POLR2B: variants seen among roughly 807,000 people sequenced by gnomAD.
POLR2B encodes DNA-directed RNA polymerase II subunit RPB2.
In POLR2B, 57 loss-of-function variants were observed where a neutral mutation model predicts 144.6. That is an observed-to-expected ratio of 0.39 (90% CI 0.32 to 0.49). The LOEUF (loss-of-function observed/expected upper bound fraction) is 0.49, where lower values mean the gene tolerates loss of function less well. POLR2B is among the 20% of genes least tolerant of loss of function. The pLI, the probability that POLR2B is intolerant of heterozygous loss-of-function variation, is 0.83. For missense variants in POLR2B, 595 were observed against 1,467.4 expected, an observed-to-expected ratio of 0.41 and a Z score of 9.71; for synonymous variants, 442 against 469.8, an observed-to-expected ratio of 0.94 and a Z score of 0.77.
intron 3 of POLR2B, among the ~76,000 whole-genome samples, chr4:56,993,513 A>G (rs1722586121): frequency 6.6e-6 from 1 of 152,312 alleles, no homozygotes; most frequent in South Asian, 2.1e-4. Flanking sequence ...ATAATTAATC[A>G]TTAGTAAAAC....
At chr4:57,003,858 A>G (rs1301804989) in intron 7 of POLR2B, among the ~76,000 whole-genome samples, 3 of 151,754 alleles carry the variant, frequency 2.0e-5, no homozygotes, top group Non-Finnish European at 2.9e-5. Context: ...TAAAAAAAAA[A>G]AGAAAAAGAA....
chr4:57,019,472 C>G (rs576631885), intron 16 of POLR2B, among the ~76,000 whole-genome samples: 1 of 151,824 alleles, frequency 6.6e-6, no homozygotes, highest in Non-Finnish European at 1.5e-5. Context: ...CCCAAAGTGC[C>G]GGGATTACAG....
At chr4:57,014,261 C>G (rs986946014) in intron 13 of POLR2B, among the ~76,000 whole-genome samples, 3 of 152,080 alleles carry the variant, frequency 2.0e-5, no homozygotes, top group South Asian at 2.1e-4. Flanking sequence ...GTGGCATGAT[C>G]TTGGCTCACT....
rs113642422 is a variant in POLR2B, at chr4:56,985,445, C to T, written c.20-909C>T. ...CCCCCGCCGCCCCGTGGGGCGGCCCCGACTTTCGGGCGGTGAGTGAGAGGC... is the reference window on the plus strand; with the variant it reads ...CCCCCGCCGCCCCGTGGGGCGGCCCTGACTTTCGGGCGGTGAGTGAGAGGC... On this transcript the variant is annotated intron_variant, in intron 1 of 24. Transcript: ENST00000314595. The T allele has an allele frequency of 0.012, 11,741 of 985,278 alleles. 932 individuals carry two copies. In the East Asian group the frequency reaches 0.25, roughly 21 times the overall value. 61.0% of individuals were successfully genotyped at this position (985,278 alleles called of 1,614,324 possible).
chr4:57,012,702 T>C (rs920747324), intron 13 of POLR2B, among the ~76,000 whole-genome samples: 10 of 152,152 alleles, frequency 6.6e-5, no homozygotes, highest in African/African-American at 2.4e-4. Flanking sequence ...TCTGGCTTTG[T>C]TGCCCAGGCT....
At position 56,997,476 on chromosome 4, in the gene POLR2B, C is replaced by T. The variant is rs558168558; in HGVS notation, c.735+2067C>T. On this transcript the variant is annotated intron_variant, in intron 6 of 24. Transcript: ENST00000314595. ...TTCACTATGTTGCCTAGGCTGGTCT[C>T]GAACTCCTGAGCTCAAGTGACCTGC... Among the ~76,000 whole-genome samples the T allele has an allele frequency of 4.6e-5, 7 of 152,248 alleles. No homozygotes were observed. The South Asian group carries it at 1.5e-3, about 32-fold the overall frequency.
rs1381008176 is a variant in POLR2B at position 57,003,418 on chromosome 4, A to C, written c.901-1828A>C. ...GCACTCCAGCCTGTGTGACAGAGCA[A>C]GACTGTCTCAAAAAAAATAAAATAA... is the stretch of plus-strand genomic sequence containing the variant. On this transcript the variant is annotated intron_variant, in intron 7 of 24. Transcript: ENST00000314595. Among the ~76,000 whole-genome samples the C allele has an allele frequency of 2.0e-5, 3 of 150,162 alleles. No individual in the cohort carries two copies. The East Asian group carries it at 6.1e-4, about 30-fold the overall frequency.
intron 14 of POLR2B, among the ~76,000 whole-genome samples, chr4:57,016,074 A>T (rs974924385): frequency 5.9e-5 from 9 of 152,192 alleles, no homozygotes; most frequent in Non-Finnish European, 1.0e-4. Context: ...ACGATTTTTA[A>T]AAAGTATACA....
At chr4:57,012,568 G>A (rs1032191193) in intron 13 of POLR2B, among the ~76,000 whole-genome samples, 8 of 152,282 alleles carry the variant, frequency 5.3e-5, no homozygotes, top group Admixed American at 2.6e-4. Flanking sequence ...AACTGAACAC[G>A]CTTAGCCAGT....
At chr4:57,030,093 T>A (rs963277226) in intron 23 of POLR2B, 111 bp from the exon 24 acceptor site, 1 of 844,838 alleles carries the variant, frequency 1.2e-6, no homozygotes, top group South Asian at 1.6e-5. Context: ...GTATAAAAAT[T>A]AGAGCCTAGT....
intron 6 of POLR2B, 78 bp downstream of exon 6, chr4:56,995,487 C>A (rs1722650906): frequency 6.8e-6 from 7 of 1,023,884 alleles, no homozygotes; most frequent in Non-Finnish European, 9.9e-6. Context: ...CCTTCTTTGT[C>A]CATAGAAGCT....
intron 3 of POLR2B, among the ~76,000 whole-genome samples, chr4:56,993,715 A>G (rs562455548): frequency 6.6e-6 from 1 of 152,312 alleles, no homozygotes; most frequent in South Asian, 2.1e-4. Flanking sequence ...AGCCCTTTAT[A>G]TAGAATGATT....
intron 1 of POLR2B, among the ~76,000 whole-genome samples, chr4:56,982,417 A>T (rs550015799): frequency 2.0e-5 from 3 of 152,060 alleles, no homozygotes; most frequent in East Asian, 3.9e-4. Flanking sequence ...AAAAAAATTT[A>T]AAAAATTAGC....
intron 18 of POLR2B, 117 bp downstream of exon 18, chr4:57,022,363 T>C (rs2109714281): frequency 1.6e-6 from 1 of 639,054 alleles, no homozygotes; most frequent in East Asian, 2.7e-5. Context: ...CTCCCTTTTT[T>C]TGTGCAATGA....
At chr4:57,008,082 G>A (rs937550031) in intron 10 of POLR2B, among the ~76,000 whole-genome samples, 1 of 152,116 alleles carries the variant, frequency 6.6e-6, no homozygotes, top group Admixed American at 6.5e-5. Context: ...ATGAGATGCT[G>A]ATCTCAGCCC....
rs1560470618 is a variant in POLR2B at position 56,986,373 on chromosome 4, T to G, written c.39T>G (p.Asp13Glu). The G allele has an allele frequency of 1.9e-6, 3 of 1,610,988 alleles. No homozygotes were observed. The highest frequency in any genetic ancestry group is 2.2e-5 in the South Asian group (2 of 91,006). The part of the protein sequence containing the change: ...DADEDMQYDE[D>E]DDEITPDLWQ... ...TTACAGATATGCAATATGATGAGGA[T>G]GATGATGAAATCACCCCGGATTTGT... The change falls in exon 2 of 25, where the codon GAT becomes GAG. Residue 13 changes from aspartate (D) to glutamate (E), a missense_variant. By Grantham distance (45) the Asp-to-Glu change is conservative. Around this residue, in one of 9 missense-constraint regions of POLR2B, gnomAD observed 25 missense variants for 26.1 expected, o/e 0.96. Coordinates refer to ENST00000314595, the MANE Select transcript of POLR2B (RefSeq NM_000938.3).
chr4:57,025,648 C>T, intron 23 of POLR2B, 111 bp downstream of exon 23: 1 of 660,948 alleles, frequency 1.5e-6, no homozygotes, highest in Non-Finnish European at 2.6e-6. Flanking sequence ...CTGTTACCCC[C>T]ATTTCAACAA....
intron 2 of POLR2B, among the ~76,000 whole-genome samples, chr4:56,989,902 C>G (rs933585602): frequency 4.6e-5 from 7 of 152,124 alleles, no homozygotes; most frequent in Admixed American, 2.6e-4. Flanking sequence ...TGAAAAGTAT[C>G]TGTTCCTTAT....
At chr4:56,996,258 G>GTA (rs1722678183) in intron 6 of POLR2B, among the ~76,000 whole-genome samples, 1 of 60,218 alleles carries the variant, frequency 1.7e-5, no homozygotes, top group Non-Finnish European at 3.0e-5. Context: ...GTGTGTGTGT[G>GTA]TGTGTATATA....
Sources: allele counts gnomAD v4.1 joint callset (sites outside exome capture counted in the v4.1 genomes callset), GRCh38; gene constraint gnomAD v4.1.1; regional missense constraint gnomAD v4.1.1; transcripts MANE v1.5; gene names NCBI Gene and HGNC (gene_info 2026-07-23, HGNC 2026-07-21).